The following AKAP13 variants were observed in gnomAD, a reference collection of about 807,000 sequenced individuals.
The protein encoded by AKAP13 is A-kinase anchoring protein 13, also known as A-kinase anchor protein 13.
AKAP13 carries 80 observed loss-of-function variants against 264.5 expected under a neutral mutation model. That is an observed-to-expected ratio of 0.30 (90% confidence interval 0.25 to 0.36). The LOEUF (loss-of-function observed/expected upper bound fraction) is 0.36, where lower values mean the gene tolerates loss of function less well. Ranked by LOEUF, AKAP13 falls within the 10% of genes least tolerant of loss-of-function variation. The pLI is 1.00. For missense variants in AKAP13, 3,712 were observed against 3,435.2 expected (o/e 1.08, Z -2.01); for synonymous variants, 1,380 against 1,250.2 (o/e 1.10, Z -2.19).
At chr15:85,628,714 T>C (rs893438489) in intron 8 of AKAP13, among the ~76,000 whole-genome samples, 9 of 152,198 alleles carry the variant, frequency 5.9e-5, no homozygotes, top group Non-Finnish European at 1.2e-4. Context: ...AAAAAATTGG[T>C]ATCCAGTTTC....
chr15:85,467,805 C>A (rs746467072), intron 1 of AKAP13, among the ~76,000 whole-genome samples: 2 of 152,168 alleles, frequency 1.3e-5, no homozygotes, highest in African/African-American at 4.8e-5. Context: ...GTTGATATTT[C>A]GGCCTGCAAT....
intron 5 of AKAP13, among the ~76,000 whole-genome samples, chr15:85,562,862 G>GT (rs869094669): frequency 8.8e-5 from 3 of 34,102 alleles, no homozygotes; most frequent in African/African-American, 1.8e-4. Context: ...CGCCCAGCAG[G>GT]TTTTTTTTGT....
At chr15:85,566,454 T>C (rs1303653270) in intron 5 of AKAP13, among the ~76,000 whole-genome samples, 1 of 152,180 alleles carries the variant, frequency 6.6e-6, no homozygotes, top group Non-Finnish European at 1.5e-5. Context: ...GAGACATTAA[T>C]GTTGAGACAG....
chr15:85,571,652 G>A (rs906366253), intron 5 of AKAP13, among the ~76,000 whole-genome samples: 1 of 152,198 alleles, frequency 6.6e-6, no homozygotes, highest in African/African-American at 2.4e-5. Flanking sequence ...CTATCTTCTA[G>A]GTGTTTTACT....
intron 3 of AKAP13, among the ~76,000 whole-genome samples, chr15:85,523,515 C>T (rs1302783767): frequency 6.6e-6 from 1 of 152,186 alleles, no homozygotes; most frequent in East Asian, 1.9e-4. Context: ...CTCCACATTC[C>T]CTATCCCCCT....
At chr15:85,730,997 C>CTTTTTTTT (rs71468134) in intron 30 of AKAP13, among the ~76,000 whole-genome samples, 71 of 57,410 alleles carry the variant, frequency 1.2e-3, no homozygotes, top group Admixed American at 2.1e-3. Context: ...GTCACTTATG[C>CTTTTTTTT]TTTTTTTTTT....
At chr15:85,529,489 C>G (rs933677471) in intron 3 of AKAP13, among the ~76,000 whole-genome samples, 9 of 152,182 alleles carry the variant, frequency 5.9e-5, no homozygotes, top group Non-Finnish European at 1.3e-4. Flanking sequence ...ACTAATGACC[C>G]TGTTGCAAAT....
At chr15:85,631,637 C>T (rs954690209) in intron 8 of AKAP13, among the ~76,000 whole-genome samples, 2 of 151,722 alleles carry the variant, frequency 1.3e-5, no homozygotes, top group Non-Finnish European at 2.9e-5. Flanking sequence ...AAATAAAGTC[C>T]GGAGTTTACT....
At chr15:85,519,425 C>T (rs149617323) in intron 2 of AKAP13, among the ~76,000 whole-genome samples, 3 of 152,134 alleles carry the variant, frequency 2.0e-5, no homozygotes, top group Non-Finnish European at 2.9e-5. Context: ...AGTTTGTCAA[C>T]CTGTGCTGCA....
chr15:85,412,882 A>G (rs896193717), intron 1 of AKAP13, among the ~76,000 whole-genome samples: 3 of 152,218 alleles, frequency 2.0e-5, no homozygotes, highest in Non-Finnish European at 4.4e-5. Context: ...CCGTACCTAT[A>G]TTATCTCCTC....
chr15:85,615,930 C>T (rs1034992853), intron 8 of AKAP13, among the ~76,000 whole-genome samples: 1 of 152,076 alleles, frequency 6.6e-6, no homozygotes, highest in Non-Finnish European at 1.5e-5. Context: ...CTAGTATCTC[C>T]CAAGTTGCTC....
chr15:85,430,360 C>T (rs2072972740), intron 1 of AKAP13, among the ~76,000 whole-genome samples: 1 of 152,178 alleles, frequency 6.6e-6, no homozygotes, highest in Non-Finnish European at 1.5e-5. Context: ...AGTTAGTTAA[C>T]TTGTCTTTCC....
intron 8 of AKAP13, among the ~76,000 whole-genome samples, chr15:85,614,625 T>C (rs1440773112): frequency 6.6e-6 from 1 of 152,244 alleles, no homozygotes; most frequent in Non-Finnish European, 1.5e-5. Context: ...CAAGTTTTCT[T>C]TCCTCAAATA....
intron 5 of AKAP13, among the ~76,000 whole-genome samples, chr15:85,547,255 T>TC (rs1394461386): frequency 1.3e-5 from 2 of 152,216 alleles, no homozygotes; most frequent in Non-Finnish European, 2.9e-5. Context: ...TTATAGCCCT[T>TC]CCCAAGTACA....
At chr15:85,400,466 C>T (rs549614319) in intron 1 of AKAP13, among the ~76,000 whole-genome samples, 2 of 151,868 alleles carry the variant, frequency 1.3e-5, no homozygotes, top group African/African-American at 2.4e-5. Flanking sequence ...ACGTATAATC[C>T]ACATATGTTC....
chr15:85,655,337 C>T (rs2083049923), intron 10 of AKAP13, 80 bp from the exon 11 acceptor site: 7 of 1,520,284 alleles, frequency 4.6e-6, no homozygotes, highest in Non-Finnish European at 6.2e-6. Context: ...ACTGAGAAGC[C>T]ATTGGCTTGA....
chr15:85,631,890 T>C (rs59341588), intron 8 of AKAP13, among the ~76,000 whole-genome samples: 2,710 of 152,178 alleles, frequency 0.018, 82 homozygotes, highest in African/African-American at 0.062. Flanking sequence ...TATATAACCA[T>C]TGAAGAAAAT....
At chr15:85,565,244 A>C (rs2078563903) in intron 5 of AKAP13, among the ~76,000 whole-genome samples, 1 of 149,924 alleles carries the variant, frequency 6.7e-6, no homozygotes, top group African/African-American at 2.5e-5. Context: ...ATTGGAATTA[A>C]AAAAAAAAAT....
At chr15:85,489,725 C>T (rs1264447574) in intron 2 of AKAP13, among the ~76,000 whole-genome samples, 1 of 152,090 alleles carries the variant, frequency 6.6e-6, no homozygotes, top group African/African-American at 2.4e-5. Flanking sequence ...GGCTGGACTC[C>T]AAATAAATAT....
Sources: gnomAD v4.1 joint callset for allele counts (sites outside exome capture counted in the v4.1 genomes callset) on GRCh38, gnomAD v4.1.1 for gene constraint, MANE v1.5 for transcripts, NCBI Gene and HGNC (gene_info 2026-07-23, HGNC 2026-07-21) for gene names.